PHLPP1: variants seen among roughly 807,000 people sequenced by gnomAD.
PHLPP1 encodes the protein PH domain and leucine rich repeat protein phosphatase 1.
PHLPP1 carries 42 observed loss-of-function variants against 117.2 expected under a neutral mutation model. The observed-to-expected ratio is 0.36, with a 90% confidence interval of 0.28 to 0.46. The LOEUF (loss-of-function observed/expected upper bound fraction) is 0.46, where lower values mean the gene tolerates loss of function less well. Ranked by LOEUF, PHLPP1 falls within the 20% of genes least tolerant of loss-of-function variation. The pLI, the probability that PHLPP1 is intolerant of heterozygous loss-of-function variation, is 1.00. For missense variants in PHLPP1, 2,084 were observed against 2,241.9 expected (o/e 0.93, Z 1.42); for synonymous variants, 1,042 against 970.7 (o/e 1.07, Z -1.37).
At chr18:62,860,713 T>C in intron 4 of PHLPP1, 112 bp downstream of exon 4, 2 of 836,948 alleles carry the variant, frequency 2.4e-6, no homozygotes, top group South Asian at 3.8e-5. Flanking sequence ...AACTTTCTCC[T>C]TCAGATAACA....
chr18:62,961,262 C>G (rs1480384503), intron 13 of PHLPP1, among the ~76,000 whole-genome samples: 1 of 152,096 alleles, frequency 6.6e-6, no homozygotes, highest in African/African-American at 2.4e-5. Context: ...CTATTGTACT[C>G]CAGCCTGGGC....
Position 62,860,423 on chromosome 18 carries a change from A to G in PHLPP1, c.1900-12A>G. On this transcript the variant is annotated splice_polypyrimidine_tract_variant and intron_variant, in intron 3 of 16. Coordinates refer to ENST00000262719, the MANE Select transcript of PHLPP1 (RefSeq NM_194449.4). ...GTGGATGGTATTAAAATTAAGTTTT[A>G]TCCCCCTTTAGGTTGCATCCCAGCG... 2.5e-6 allele frequency: 4 copies of G among 1,612,124 alleles called. No homozygotes were observed. The South Asian group carries it at 3.3e-5, about 13-fold the overall frequency.
chr18:62,979,473 T>C lies in PHLPP1; in HGVS notation c.*42T>C. The C allele has an allele frequency of 6.5e-7, 1 of 1,532,370 alleles. No homozygotes were observed. The highest frequency in any genetic ancestry group is 2.5e-5 in the East Asian group (1 of 40,690). 94.9% of individuals were successfully genotyped at this position (1,532,370 alleles called of 1,614,324 possible). On this transcript the variant is annotated 3_prime_UTR_variant, in exon 17 of 17. Coordinates refer to ENST00000262719, the MANE Select transcript of PHLPP1 (RefSeq NM_194449.4). ...AACAAATAAACTAACCACAAAAGAC[T>C]GAGTTGCAAGAGTCTCCCAGGCTCA...
At chr18:62,958,549 T>C in intron 12 of PHLPP1, 80 bp from the exon 13 acceptor site, 5 of 1,389,546 alleles carry the variant, frequency 3.6e-6, no homozygotes, top group Non-Finnish European at 5.0e-6. Flanking sequence ...CTGATTTGCA[T>C]GCAAAGAGTA....
In PHLPP1 at chr18:62,763,775, T is replaced by C. The variant is rs78891584; in HGVS notation, c.1576+46516T>C. ...ACATCATACCTCTGTCTTCGTGACT[T>C]TTCCCAGTAGCACCAGAGATTTTTT... On this transcript the variant is annotated intron_variant, in intron 1 of 16. Coordinates refer to ENST00000262719, the MANE Select transcript of PHLPP1 (RefSeq NM_194449.4). 7.0e-3 allele frequency among the ~76,000 whole-genome samples: 1,067 copies of C among 152,318 alleles called. 9 individuals are homozygous for C. The highest frequency in any genetic ancestry group is 0.018 in the African/African-American group (756 of 41,562).
intron 8 of PHLPP1, among the ~76,000 whole-genome samples, chr18:62,912,732 G>T (rs1411644108): frequency 1.3e-5 from 2 of 152,090 alleles, no homozygotes; most frequent in Admixed American, 6.6e-5. Flanking sequence ...TGATTCTCCT[G>T]CTCCAGCCTC....
intron 14 of PHLPP1, among the ~76,000 whole-genome samples, chr18:62,972,294 T>C (rs183865114): frequency 6.6e-6 from 1 of 152,332 alleles, no homozygotes; most frequent in Admixed American, 6.5e-5. Flanking sequence ...AAGAGAAGCA[T>C]GTAGGAAGGC....
intron 1 of PHLPP1, among the ~76,000 whole-genome samples, chr18:62,821,756 C>CT (rs1341176509): frequency 0.01 from 1,477 of 141,504 alleles, 8 homozygotes; most frequent in East Asian, 0.023. Context: ...AATGTATGTT[C>CT]TTTTTTTTTT....
At chr18:62,805,798 A>C (rs1913932209) in intron 1 of PHLPP1, among the ~76,000 whole-genome samples, 1 of 151,598 alleles carries the variant, frequency 6.6e-6, no homozygotes, top group Admixed American at 6.6e-5. Flanking sequence ...TCATGAAGAT[A>C]TTCTCCTGTG....
chr18:62,743,388 C>T (rs977329340), intron 1 of PHLPP1, among the ~76,000 whole-genome samples: 3 of 151,676 alleles, frequency 2.0e-5, no homozygotes, highest in Non-Finnish European at 2.9e-5. Flanking sequence ...TAATCATTAC[C>T]CAGCATCAGC....
intron 9 of PHLPP1, among the ~76,000 whole-genome samples, chr18:62,917,696 C>G (rs991599159): frequency 6.6e-6 from 1 of 151,692 alleles, no homozygotes; most frequent in African/African-American, 2.4e-5. Context: ...GCCTGTAGTC[C>G]CAGCTACTTG....
chr18:62,935,658 A>G (rs150284633), intron 10 of PHLPP1, among the ~76,000 whole-genome samples: 3 of 152,296 alleles, frequency 2.0e-5, no homozygotes, highest in East Asian at 1.9e-4. Flanking sequence ...TGCTGAGAAG[A>G]AGGCCTAGAA....
intron 4 of PHLPP1, among the ~76,000 whole-genome samples, chr18:62,864,622 A>G: frequency 6.6e-6 from 1 of 152,344 alleles, no homozygotes; most frequent in Admixed American, 6.5e-5. Context: ...TATATTCTAC[A>G]ACAGTAAAAC....
At chr18:62,957,962 C>T (rs1432518958) in intron 12 of PHLPP1, among the ~76,000 whole-genome samples, 1 of 152,206 alleles carries the variant, frequency 6.6e-6, no homozygotes, top group East Asian at 1.9e-4. Flanking sequence ...CCTGCCTCTG[C>T]CTCCCAAAGT....
At chr18:62,892,082 CTT>C (rs200141250) in intron 4 of PHLPP1, among the ~76,000 whole-genome samples, 35 of 107,950 alleles carry the variant, frequency 3.2e-4, no homozygotes, top group African/African-American at 1.1e-3. Context: ...TTCTTTCTTT[CTT>C]TTTTTTTTTT....
intron 10 of PHLPP1, among the ~76,000 whole-genome samples, chr18:62,923,983 G>A (rs1277932141): frequency 6.6e-6 from 1 of 152,172 alleles, no homozygotes; most frequent in African/African-American, 2.4e-5. Context: ...ATAGGACATT[G>A]AGAAATGACT....
chr18:62,932,929 A>G (rs1909859949), intron 10 of PHLPP1, among the ~76,000 whole-genome samples: 1 of 152,214 alleles, frequency 6.6e-6, no homozygotes, highest in African/African-American at 2.4e-5. Context: ...AGGATTCAGA[A>G]TCAGCACCCG....
intron 1 of PHLPP1, among the ~76,000 whole-genome samples, chr18:62,756,268 A>G (rs1912014010): frequency 6.6e-6 from 1 of 152,194 alleles, no homozygotes; most frequent in South Asian, 2.1e-4. Context: ...ACCAAAGGGA[A>G]AAGAAAGTTC....
rs1916673979 is a variant in PHLPP1 at position 62,900,151 on chromosome 18, G to A, written c.2445-2813G>A. 1.3e-5 allele frequency among the ~76,000 whole-genome samples: 2 copies of A among 152,018 alleles called. 1 individual carries two copies. The highest frequency in any genetic ancestry group is 4.1e-4 in the South Asian group (2 of 4,826). ...GCCTCTACTAAAAATGCAAAAATTAGCTGGCTGTGGTGGCATGTTCCTGTA... is the reference window on the plus strand; with the variant it reads ...GCCTCTACTAAAAATGCAAAAATTAACTGGCTGTGGTGGCATGTTCCTGTA... On this transcript the variant is annotated intron_variant, in intron 6 of 16. Coordinates refer to ENST00000262719, the MANE Select transcript of PHLPP1 (RefSeq NM_194449.4).
Sources: allele counts gnomAD v4.1 joint callset (sites outside exome capture counted in the v4.1 genomes callset), GRCh38; gene constraint gnomAD v4.1.1; transcripts MANE v1.5; gene names NCBI Gene and HGNC (gene_info 2026-07-23, HGNC 2026-07-21).